The following COL5A2 variants were observed in gnomAD, a reference collection of about 807,000 sequenced individuals.
The protein encoded by COL5A2 is collagen alpha-2(V) chain.
In COL5A2, 23 loss-of-function variants were observed where a neutral mutation model predicts 208.2. The ratio of observed to expected loss-of-function variants is 0.11; its 90% confidence interval spans 0.08 to 0.16. The LOEUF (loss-of-function observed/expected upper bound fraction) is 0.16. Among genes scored for constraint, COL5A2 ranks in the 10% least tolerant of loss-of-function variants. The pLI, the probability that COL5A2 is intolerant of heterozygous loss-of-function variation, is 1.00. For missense variants in COL5A2, 1,590 were observed against 1,956.4 expected (o/e 0.81, Z 3.53); for synonymous variants, 625 against 628.5 (o/e 0.99, Z 0.08).
chr2:189,397,651 A>G, the COL5A2 span, among the ~76,000 whole-genome samples: 1 of 151,978 alleles, frequency 6.6e-6, no homozygotes, highest in Non-Finnish European at 1.5e-5. Flanking sequence ...ACAATCTGTG[A>G]TGATGTCTCC....
intron 17 of COL5A2, 61 bp from the exon 18 acceptor site, chr2:189,072,154 T>G: frequency 1.7e-6 from 2 of 1,186,952 alleles, no homozygotes; most frequent in Non-Finnish European, 2.5e-6. Context: ...AATTAGGTCA[T>G]TTTTTAGAGT....
the COL5A2 span, among the ~76,000 whole-genome samples, chr2:189,236,248 G>A: frequency 6.6e-6 from 1 of 151,654 alleles, no homozygotes; most frequent in Non-Finnish European, 1.5e-5. Context: ...GACTCTAGTT[G>A]TGCTGAGTCC....
At chr2:189,295,788 CT>C in the COL5A2 span, among the ~76,000 whole-genome samples, 1 of 149,684 alleles carries the variant, frequency 6.7e-6, no homozygotes, top group African/African-American at 2.5e-5. Flanking sequence ...CGTGAGCCTC[CT>C]TTTTTAAAAT....
chr2:189,369,846 C>G, the COL5A2 span, among the ~76,000 whole-genome samples: 1 of 152,178 alleles, frequency 6.6e-6, no homozygotes, highest in Non-Finnish European at 1.5e-5. Context: ...ATGATGAGGT[C>G]TAGCAGGTCA....
At chr2:189,386,584 G>C in the COL5A2 span, among the ~76,000 whole-genome samples, 1 of 152,080 alleles carries the variant, frequency 6.6e-6, no homozygotes, top group African/African-American at 2.4e-5. Flanking sequence ...CTGTAAGTCT[G>C]ACAAAGGTCT....
chr2:189,118,555 A>G (rs1687440738), intron 1 of COL5A2, among the ~76,000 whole-genome samples: 1 of 152,150 alleles, frequency 6.6e-6, no homozygotes, highest in African/African-American at 2.4e-5. Context: ...ACAATCCACC[A>G]AACATTCCAC....
chr2:189,415,330 T>G, the COL5A2 span, among the ~76,000 whole-genome samples: 1 of 152,222 alleles, frequency 6.6e-6, no homozygotes, highest in Non-Finnish European at 1.5e-5. Context: ...ATTTATAATT[T>G]TGAATTTTCT....
chr2:189,134,945 G>A (rs540849388), intron 1 of COL5A2, among the ~76,000 whole-genome samples: 12 of 148,892 alleles, frequency 8.1e-5, no homozygotes, highest in African/African-American at 2.7e-4. Flanking sequence ...TACAGACTGA[G>A]AAGTTATACA....
chr2:189,323,289 C>G, the COL5A2 span, among the ~76,000 whole-genome samples: 1 of 152,152 alleles, frequency 6.6e-6, no homozygotes, highest in Non-Finnish European at 1.5e-5. Flanking sequence ...CTCACCACTC[C>G]TATTCAACAT....
In COL5A2 at chr2:189,057,258, C is replaced by A. The variant is rs116016659; in HGVS notation, c.2337+62G>T. The A allele has an allele frequency of 2.4e-3, 2,139 of 876,806 alleles. 26 individuals are homozygous for A. The African/African-American group carries it at 0.033, about 13-fold the overall frequency. 54.3% of individuals were successfully genotyped at this position (876,806 alleles called of 1,614,324 possible). A position where few individuals can be genotyped will look rare whatever the true frequency, so the allele number is the denominator to read the frequency against. ...TAAAAGCCTGCTCAAGAAATCATTTCATTTTCAGCAGAAAGTCTGAATAAA... is the reference window on the plus strand; with the variant it reads ...TAAAAGCCTGCTCAAGAAATCATTTAATTTTCAGCAGAAAGTCTGAATAAA... On this transcript the variant is annotated intron_variant, in intron 34 of 53. Transcript: ENST00000374866.
At chr2:189,095,494 T>G (rs1686888793) in intron 6 of COL5A2, among the ~76,000 whole-genome samples, 1 of 151,880 alleles carries the variant, frequency 6.6e-6, no homozygotes, top group Admixed American at 6.6e-5. Flanking sequence ...TCTCTCTCGC[T>G]CTTTCATACA....
chr2:189,269,277 A>C, the COL5A2 span, among the ~76,000 whole-genome samples: 1 of 152,034 alleles, frequency 6.6e-6, no homozygotes, highest in Non-Finnish European at 1.5e-5. Context: ...TCAATTTCCC[A>C]GAACTTCCAA....
intron 1 of COL5A2, among the ~76,000 whole-genome samples, chr2:189,137,489 T>G (rs1576549735): frequency 6.6e-6 from 1 of 152,236 alleles, no homozygotes; most frequent in East Asian, 1.9e-4. Context: ...GTACTGAAAT[T>G]TTAAGTAATA....
the COL5A2 span, among the ~76,000 whole-genome samples, chr2:189,322,727 C>T: frequency 6.6e-6 from 1 of 152,308 alleles, no homozygotes; most frequent in Admixed American, 6.5e-5. Context: ...GACGGATACA[C>T]AGCCGAATTC....
chr2:189,110,237 T>C lies in COL5A2; in HGVS notation c.310A>G (p.Asn104Asp). ...TAAACATTCTTACCAAAATTGGTAT[T>C]GCCACCTCCAGGTGTTTGTGAACAG... The part of the protein sequence containing the change: ...PVCSQTPGGG[N>D]TNFGRGRKGQ... The change falls in exon 2 of 54, where the codon AAT becomes GAT. Residue 104 changes from asparagine to aspartate, a missense_variant. By Grantham distance (23) the Asn-to-Asp change is conservative. Coordinates refer to ENST00000374866, the MANE Select transcript of COL5A2 (RefSeq NM_000393.5). 6.2e-7 allele frequency: 1 copy of C among 1,613,132 alleles called. No individual in the cohort carries two copies. Among genetic ancestry groups the C allele is most frequent in the South Asian group, 1.1e-5 (1 of 91,050 alleles).
the COL5A2 span, among the ~76,000 whole-genome samples, chr2:189,288,299 G>GT: frequency 1.3e-5 from 2 of 152,130 alleles, no homozygotes; most frequent in African/African-American, 4.8e-5. Context: ...GGTATTAGGG[G>GT]TTTTTTCTAT....
chr2:189,217,249 C>A (rs1344241852), intron 1 of COL5A2, among the ~76,000 whole-genome samples: 5 of 151,992 alleles, frequency 3.3e-5, no homozygotes, highest in Non-Finnish European at 7.4e-5. Flanking sequence ...TTAAAAGGAC[C>A]GTAATCAGTG....
At chr2:189,328,130 T>C in the COL5A2 span, among the ~76,000 whole-genome samples, 1 of 152,212 alleles carries the variant, frequency 6.6e-6, no homozygotes, top group African/African-American at 2.4e-5. Flanking sequence ...GCTGGCATCC[T>C]GTAGTTATGC....
intron 1 of COL5A2, among the ~76,000 whole-genome samples, chr2:189,195,718 G>A (rs765200067): frequency 3.3e-5 from 5 of 152,258 alleles, no homozygotes; most frequent in Admixed American, 6.5e-5. Flanking sequence ...ATGGGGGAAG[G>A]ATTGCCTATT....
Sources: gnomAD v4.1 joint callset for allele counts (sites outside exome capture counted in the v4.1 genomes callset) on GRCh38, gnomAD v4.1.1 for gene constraint, MANE v1.5 for transcripts, NCBI Gene and HGNC (gene_info 2026-07-23, HGNC 2026-07-21) for gene names.